Variants in COG6 observed in about 807,000 individuals in gnomAD.
COG6 encodes the protein component of oligomeric golgi complex 6.
A neutral mutation model predicts 88.8 loss-of-function variants in COG6; 74 were observed. That is an observed-to-expected ratio of 0.83 (90% confidence interval 0.69 to 1.01). The LOEUF is 1.01. COG6 is among the 50% of genes least tolerant of loss of function. The pLI is 0.00. For synonymous variants in COG6, 286 were observed against 278.7 expected (o/e 1.03, Z -0.26); for missense variants, 800 against 797.9 (o/e 1.00, Z -0.03).
At position 39,727,514 on chromosome 13, in the gene COG6, C is replaced by T. The variant is rs1369338867; in HGVS notation, c.1792C>T (p.Pro598Ser). 1.2e-6 allele frequency: 2 copies of T among 1,613,284 alleles called. No homozygotes were observed. The highest frequency in any genetic ancestry group is 1.7e-5 in the Admixed American group (1 of 60,008). Residue 598 changes from proline (P) to serine (S), a missense_variant, in exon 18 of 19, where the codon CCA (proline) becomes TCA (serine). Coordinates refer to ENST00000455146, the MANE Select transcript of COG6 (RefSeq NM_020751.3). ...YLSAPDNLLI[P>S]QLNFLLSATV... ...GTCAGCCCCAGACAACCTATTGATACCACAGCTGAACTTTCTTCTAAGTGC... is the reference window on the plus strand; with the variant it reads ...GTCAGCCCCAGACAACCTATTGATATCACAGCTGAACTTTCTTCTAAGTGC...
At chr13:39,696,767 T>G (rs1378593708) in intron 12 of COG6, among the ~76,000 whole-genome samples, 1 of 151,372 alleles carries the variant, frequency 6.6e-6, no homozygotes, top group Non-Finnish European at 1.5e-5. Flanking sequence ...ATTTGTGTTA[T>G]AAGGTTACTC....
exon 19 of COG6, chr13:39,789,097 C>T (rs1881861788): frequency 6.6e-6 from 1 of 152,194 alleles, no homozygotes; most frequent in Non-Finnish European, 1.5e-5. Context: ...TTTCCAATTC[C>T]CCTGCATACT....
chr13:39,727,170 T>A (rs1879174908), intron 17 of COG6, among the ~76,000 whole-genome samples: 2 of 152,110 alleles, frequency 1.3e-5, no homozygotes, highest in Non-Finnish European at 2.9e-5. Context: ...TGAAACCTGA[T>A]GACTTTACTT....
chr13:39,656,965 T>C (rs943787813), intron 1 of COG6: 3 of 447,084 alleles, frequency 6.7e-6, no homozygotes, highest in South Asian at 1.6e-5. Context: ...ATTTATGAAG[T>C]GTTTAATGTG....
intron 18 of COG6, among the ~76,000 whole-genome samples, chr13:39,763,473 T>G (rs548128708): frequency 7.2e-5 from 11 of 151,834 alleles, no homozygotes; most frequent in Non-Finnish European, 1.5e-4. Flanking sequence ...ATTTTGTAGA[T>G]AAGCTTTATC....
chr13:39,694,745 G>A lies in COG6; in HGVS notation c.1166+20G>A, dbSNP rs780040580. The A allele has an allele frequency of 3.1e-6, 4 of 1,279,452 alleles. No homozygotes were observed. The highest frequency in any genetic ancestry group is 2.3e-6 in the Non-Finnish European group (2 of 882,274). 79.3% of individuals were successfully genotyped at this position (1,279,452 alleles called of 1,614,324 possible). ...AATCAGGTAAGTAGAATGGCAAAAT[G>A]TGCTTGCTAAATCCAATGTGATATT... On this transcript the variant is annotated intron_variant, in intron 12 of 18. Transcript: ENST00000455146.
chr13:39,655,826 C>A lies in COG6; in HGVS notation c.100C>A (p.Pro34Thr). ...AGGTSATTCN[P>T]LSRKLHKILE... ...CGGGACCTCGGCGACGACCTGCAAC[C>A]CGCTGTCGCGCAAGCTGCATAAGAT... The change falls in exon 1 of 19, where the codon CCG becomes ACG. Residue 34 changes from proline to threonine, a missense_variant. Physicochemically the swap from Pro to Thr is conservative, Grantham distance 38. Coordinates refer to ENST00000455146, the MANE Select transcript of COG6 (RefSeq NM_020751.3). The A allele has an allele frequency of 6.2e-7, 1 of 1,603,872 alleles. No individual in the cohort carries two copies. The highest frequency in any genetic ancestry group is 8.5e-7 in the Non-Finnish European group (1 of 1,176,074).
At position 39,737,254 on chromosome 13, in the gene COG6, G is replaced by A. The variant is rs532287803; in HGVS notation, c.1826+9706G>A. On this transcript the variant is annotated intron_variant, in intron 18 of 18. Coordinates refer to ENST00000455146, the MANE Select transcript of COG6 (RefSeq NM_020751.3). ...TTCGTGGCACCACCACTGGTACTGC[G>A]CTGGGTGAGATCCAAAGCAAGCATA... is the stretch of plus-strand genomic sequence containing the variant. Among the ~76,000 whole-genome samples the A allele has an allele frequency of 1.2e-3, 183 of 152,214 alleles. 3 individuals are homozygous for A. The highest frequency in any genetic ancestry group is 0.011 in the Admixed American group (174 of 15,296).
At chr13:39,735,911 C>G (rs1376167095) in intron 18 of COG6, among the ~76,000 whole-genome samples, 2 of 151,960 alleles carry the variant, frequency 1.3e-5, no homozygotes, top group African/African-American at 4.8e-5. Context: ...TAGGTTGTTT[C>G]TTTTCTCTTG....
chr13:39,667,267 A>G (rs190386683), intron 4 of COG6, among the ~76,000 whole-genome samples: 1 of 152,318 alleles, frequency 6.6e-6, no homozygotes, highest in Non-Finnish European at 1.5e-5. Context: ...TCAAAGCTTT[A>G]TAAAAGCTTA....
intron 17 of COG6, among the ~76,000 whole-genome samples, chr13:39,726,974 T>C (rs1388882903): frequency 1.3e-5 from 2 of 151,998 alleles, no homozygotes; most frequent in Non-Finnish European, 2.9e-5. Context: ...ATTTATATTA[T>C]TATCTGTTTA....
intron 18 of COG6, among the ~76,000 whole-genome samples, chr13:39,775,995 CCCACCTCAGGTGATCCA>C: frequency 6.6e-6 from 1 of 152,192 alleles, no homozygotes; most frequent in South Asian, 2.1e-4. Context: ...TCTCGAACTC[CCCACCTCAGGTGATCCA>C]CCCGCCTTGG....
chr13:39,722,617 CAAA>C (rs67889057), intron 15 of COG6, among the ~76,000 whole-genome samples: 24 of 105,816 alleles, frequency 2.3e-4, no homozygotes, highest in Non-Finnish European at 2.2e-4. Flanking sequence ...TGTACTGGCA[CAAA>C]AAAAAAAAAA....
chr13:39,732,760 A>G (rs972887102), intron 18 of COG6, among the ~76,000 whole-genome samples: 1 of 152,204 alleles, frequency 6.6e-6, no homozygotes, highest in East Asian at 1.9e-4. Flanking sequence ...GAATTGTGAG[A>G]TAATACTAAG....
intron 18 of COG6, among the ~76,000 whole-genome samples, chr13:39,760,786 G>A (rs979679462): frequency 2.6e-5 from 4 of 151,954 alleles, no homozygotes; most frequent in African/African-American, 7.3e-5. Flanking sequence ...GGTGGGGGAA[G>A]GCTAGTACCA....
At chr13:39,762,370 A>G (rs1881043939) in intron 18 of COG6, among the ~76,000 whole-genome samples, 1 of 151,906 alleles carries the variant, frequency 6.6e-6, no homozygotes, top group South Asian at 2.1e-4. Context: ...ACATGTAAGG[A>G]GATGGGAGTG....
chr13:39,788,518 G>T, exon 19 of COG6: 2 of 658,090 alleles, frequency 3.0e-6, no homozygotes. Flanking sequence ...TGGTGGAAAT[G>T]CTGTGAGGGA....
At chr13:39,764,487 C>A (rs1446650295) in intron 18 of COG6, among the ~76,000 whole-genome samples, 2 of 151,268 alleles carry the variant, frequency 1.3e-5, no homozygotes, top group Non-Finnish European at 3.0e-5. Context: ...GTAATGTATT[C>A]ATTTAAATAT....
intron 18 of COG6, among the ~76,000 whole-genome samples, chr13:39,758,632 G>T (rs572417661): frequency 6.6e-6 from 1 of 152,242 alleles, no homozygotes; most frequent in South Asian, 2.1e-4. Flanking sequence ...TATGTTGCTG[G>T]TGGGGATATA....
Sources: gnomAD v4.1 joint callset for allele counts (sites outside exome capture counted in the v4.1 genomes callset) on GRCh38, gnomAD v4.1.1 for gene constraint, MANE v1.5 for transcripts, NCBI Gene and HGNC (gene_info 2026-07-23, HGNC 2026-07-21) for gene names.